The following CHRDL2 variants were observed in gnomAD, a reference collection of about 807,000 sequenced individuals.
CHRDL2 encodes the protein chordin-like protein 2.
CHRDL2 carries 41 observed loss-of-function variants against 54.3 expected under a neutral mutation model. That is an observed-to-expected ratio of 0.76 (90% CI 0.59 to 0.98). CHRDL2 has a LOEUF of 0.98. Among genes scored for constraint, CHRDL2 ranks in the 50% least tolerant of loss-of-function variants. CHRDL2 has a pLI of 0.00. For synonymous variants in CHRDL2, 220 were observed against 224.3 expected (o/e 0.98, Z 0.17); for missense variants, 518 against 562.4 (o/e 0.92, Z 0.80).
chr11:74,703,071 A>T, intron 8 of CHRDL2, 104 bp from the exon 9 acceptor site: 1 of 1,208,276 alleles, frequency 8.3e-7, no homozygotes, highest in Non-Finnish European at 1.2e-6. Flanking sequence ...CCGGAACATT[A>T]CTGATTCTAT....
intron 3 of CHRDL2, 68 bp downstream of exon 3, chr11:74,713,318 C>T: frequency 7.1e-7 from 1 of 1,400,602 alleles, no homozygotes; most frequent in Non-Finnish European, 1.0e-6. Flanking sequence ...GGGTCTCCCT[C>T]AGCTAGAGGG....
At chr11:74,727,286 C>G (rs187986016) in intron 1 of CHRDL2, among the ~76,000 whole-genome samples, 22 of 152,328 alleles carry the variant, frequency 1.4e-4, no homozygotes, top group African/African-American at 4.8e-4. Context: ...CCCTCCACAT[C>G]ACATCCTACC....
chr11:74,727,096 G>A (rs1046775554), intron 1 of CHRDL2, among the ~76,000 whole-genome samples: 1 of 152,204 alleles, frequency 6.6e-6, no homozygotes, highest in African/African-American at 2.4e-5. Context: ...GGGTTTTGGA[G>A]ACTTAGAATT....
intron 4 of CHRDL2, among the ~76,000 whole-genome samples, chr11:74,710,076 C>T (rs966203261): frequency 1.3e-4 from 20 of 151,918 alleles, no homozygotes; most frequent in African/African-American, 2.2e-4. Flanking sequence ...ATTAGCTGGG[C>T]GTGGTGGTGG....
At chr11:74,713,567 G>A in intron 2 of CHRDL2, 88 bp from the exon 3 acceptor site, 1 of 999,844 alleles carries the variant, frequency 1.0e-6, no homozygotes, top group Non-Finnish European at 1.5e-6. Flanking sequence ...CACCCCAACT[G>A]CAGAAGTCTG....
intron 2 of CHRDL2, 97 bp from the exon 3 acceptor site, chr11:74,713,576 T>C: frequency 1.1e-6 from 1 of 914,156 alleles, no homozygotes; most frequent in South Asian, 1.6e-5. Flanking sequence ...TGCAGAAGTC[T>C]GAACTTGTCG....
At chr11:74,717,572 G>A (rs866143860) in intron 2 of CHRDL2, among the ~76,000 whole-genome samples, 6 of 152,178 alleles carry the variant, frequency 3.9e-5, no homozygotes, top group African/African-American at 1.4e-4. Flanking sequence ...AGAAGCAGTG[G>A]TGAGTCAGGA....
rs768700793 is a variant in CHRDL2, at chr11:74,696,559, T to G, written c.1240A>C (p.Thr414Pro). 3.7e-6 allele frequency: 6 copies of G among 1,613,998 alleles called. No individual in the cohort carries two copies. The East Asian group carries it at 1.1e-4, about 30-fold the overall frequency. The change falls in exon 11 of 11, where the codon ACC (threonine) becomes CCC (proline). Residue 414 changes from threonine to proline, a missense_variant. Physicochemically the swap from Thr to Pro is conservative, Grantham distance 38. Coordinates refer to ENST00000376332, the MANE Select transcript of CHRDL2 (RefSeq NM_001278473.3). Reference sequence around the variant, plus strand: ...CTGGCCGTGACCTTCAGCTCCAGGGTCTGGGCTAGGAAGACGTTCCAGTGA... The same window carrying G: ...CTGGCCGTGACCTTCAGCTCCAGGGGCTGGGCTAGGAAGACGTTCCAGTGA... ...EGHWNVFLAQ[T>P]LELKVTASPD...
At position 74,710,989 on chromosome 11, in the gene CHRDL2, G is replaced by A; in HGVS notation, c.292C>T (p.Pro98Ser). ...GCCCGGAGTCCAGAGGGAGTGTGAG[G>A]TTCTGCAGTGGGGGAGGGGCAGGAG... ...PQQCCPKCVE[P>S]HTPSGLRAPP... Residue 98 changes from proline to serine, a missense_variant and splice_region_variant, in exon 4 of 11, where the codon CCT (proline) becomes TCT (serine). Pro to Ser is a moderately conservative substitution (Grantham distance 74, BLOSUM62 -1). Transcript: ENST00000376332. The A allele has an allele frequency of 1.2e-6, 2 of 1,612,386 alleles. No homozygotes were observed.
intron 8 of CHRDL2, 135 bp downstream of exon 8, chr11:74,703,170 G>C: frequency 2.6e-6 from 3 of 1,142,092 alleles, no homozygotes; most frequent in Non-Finnish European, 3.7e-6. Flanking sequence ...CTGTGTGTCT[G>C]ACATGCCCTG....
Position 74,708,284 on chromosome 11 carries a change from A to G in CHRDL2, c.526+18T>C, listed in dbSNP as rs2034073511. ...TGGAGGGGTGGGTGAGTGCTGCCAG[A>G]TGGAGGGACAGACTCACCTTTGCAG... On this transcript the variant is annotated intron_variant, in intron 5 of 10. Transcript: ENST00000376332. 6.5e-7 allele frequency: 1 copy of G among 1,531,236 alleles called. No individual in the cohort carries two copies. 94.9% of individuals were successfully genotyped at this position (1,531,236 alleles called of 1,614,324 possible).
intron 5 of CHRDL2, 57 bp downstream of exon 5, chr11:74,708,245 C>T: frequency 8.1e-7 from 1 of 1,235,584 alleles, no homozygotes; most frequent in Non-Finnish European, 1.1e-6. Flanking sequence ...CAGTCCATGG[C>T]TAGGCCCATG....
chr11:74,730,827 A>AG lies in CHRDL2; in HGVS notation c.61dup (p.Leu21ProfsTer108). ...CTTACGGGCTCGAGCGTGGGAGTCC[A>AG]GGGGGAACCAGAGCAGCGCGAGTCC... On this transcript the variant is annotated frameshift_variant, in exon 1 of 11. Transcript: ENST00000376332. LOFTEE classifies it high-confidence loss of function. The AG allele has an allele frequency of 1.2e-6, 2 of 1,612,420 alleles. No individual in the cohort carries two copies. Among genetic ancestry groups the AG allele is most frequent in the Non-Finnish European group, 1.7e-6 (2 of 1,179,476 alleles).
rs536498622 is a variant in CHRDL2, at chr11:74,730,812, C to T, written c.77G>A (p.Arg26Gln). ...CAGCCTCCCGGTCTACTTACGGGCT[C>T]GAGCGTGGGAGTCCAGGGGGAACCA... ...LLWFPLDSHARARPDMFCLFH... is the reference protein window; with the variant it reads ...LLWFPLDSHAQARPDMFCLFH... The change falls in exon 1 of 11, where the codon CGA becomes CAA. Residue 26 changes from arginine (R) to glutamine (Q), a missense_variant. Arg to Gln is a conservative substitution (Grantham distance 43). Transcript: ENST00000376332. 2.5e-6 allele frequency: 4 copies of T among 1,610,886 alleles called. No homozygotes were observed. The South Asian group carries it at 3.3e-5, about 13-fold the overall frequency.
chr11:74,711,859 GAGTGC>G (rs1472265589), intron 3 of CHRDL2, among the ~76,000 whole-genome samples: 1 of 151,464 alleles, frequency 6.6e-6, no homozygotes, highest in Non-Finnish European at 1.5e-5. Context: ...CACCAGGCTG[GAGTGC>G]AGTGGCACGA....
At chr11:74,701,528 G>C in intron 9 of CHRDL2, 1 of 708,966 alleles carries the variant, frequency 1.4e-6, no homozygotes, top group Non-Finnish European at 2.6e-6. Context: ...GGGCAGAGTA[G>C]AGCAGGGAAA....
chr11:74,706,688 C>T (rs2034022024), intron 5 of CHRDL2, 146 bp from the exon 6 acceptor site: 2 of 692,126 alleles, frequency 2.9e-6, no homozygotes, highest in South Asian at 1.8e-5. Context: ...CTCCTTTGCC[C>T]CAGTGGGGAC....
intron 2 of CHRDL2, 107 bp from the exon 3 acceptor site, chr11:74,713,586 G>A (rs1201493050): frequency 4.5e-5 from 37 of 813,624 alleles, no homozygotes; most frequent in Middle Eastern, 5.3e-4. Flanking sequence ...TGAACTTGTC[G>A]TAAGCCTGTG....
intron 3 of CHRDL2, among the ~76,000 whole-genome samples, chr11:74,712,412 C>T (rs2034223184): frequency 1.3e-5 from 2 of 152,208 alleles, no homozygotes; most frequent in African/African-American, 4.8e-5. Context: ...GAGGCCTGGG[C>T]CAAGCACAGG....
Sources: gnomAD v4.1 joint callset for allele counts (sites outside exome capture counted in the v4.1 genomes callset) on GRCh38, gnomAD v4.1.1 for gene constraint, MANE v1.5 for transcripts, NCBI Gene and HGNC (gene_info 2026-07-23, HGNC 2026-07-21) for gene names.